Variants in MYO3B observed in about 807,000 individuals in gnomAD.
The protein encoded by MYO3B is myosin IIIB, also known as myosin-IIIb.
MYO3B carries 156 observed loss-of-function variants against 174.6 expected under a neutral mutation model. That is an observed-to-expected ratio of 0.89 (90% CI 0.78 to 1.02). The LOEUF (loss-of-function observed/expected upper bound fraction) is 1.02. Ranked by LOEUF, MYO3B falls within the 50% of genes least tolerant of loss-of-function variation. The pLI is 0.00. For synonymous variants in MYO3B, 563 were observed against 569.1 expected, an observed-to-expected ratio of 0.99 and a Z score of 0.15; for missense variants, 1,632 against 1,639.4, an observed-to-expected ratio of 1.00 and a Z score of 0.08.
chr2:170,590,247 G>T (rs915871989), intron 32 of MYO3B, among the ~76,000 whole-genome samples: 28 of 152,210 alleles, frequency 1.8e-4, no homozygotes, highest in Admixed American at 1.3e-4. Context: ...AAAGGGATAG[G>T]AGAGTAAATG....
intron 22 of MYO3B, among the ~76,000 whole-genome samples, chr2:170,424,286 T>C (rs2094643220): frequency 6.6e-6 from 1 of 152,202 alleles, no homozygotes; most frequent in African/African-American, 2.4e-5. Flanking sequence ...TCCTCTTGCC[T>C]TCCTGGCTCT....
chr2:170,456,166 G>A (rs910664130), intron 23 of MYO3B, among the ~76,000 whole-genome samples: 1 of 152,156 alleles, frequency 6.6e-6, no homozygotes, highest in African/African-American at 2.4e-5. Flanking sequence ...ATTTTGGTGG[G>A]GGGGTGGGGC....
At chr2:170,245,507 A>G (rs2093180246) in intron 7 of MYO3B, among the ~76,000 whole-genome samples, 1 of 152,164 alleles carries the variant, frequency 6.6e-6, no homozygotes, top group Admixed American at 6.5e-5. Context: ...AGGGAGTCTT[A>G]CCCTGGCAGA....
chr2:170,327,144 T>C (rs1258189974), intron 7 of MYO3B, among the ~76,000 whole-genome samples: 2 of 152,226 alleles, frequency 1.3e-5, no homozygotes, highest in African/African-American at 4.8e-5. Context: ...CCCAGCACTT[T>C]GGGAGGCCAA....
chr2:170,369,638 G>GT (rs2094225260), intron 9 of MYO3B, among the ~76,000 whole-genome samples: 1 of 150,870 alleles, frequency 6.6e-6, no homozygotes, highest in Non-Finnish European at 1.5e-5. Flanking sequence ...GTTAGCTTTA[G>GT]TTAAAAAATC....
Position 170,386,290 on chromosome 2 carries a change from T to G in MYO3B, c.1374+18T>G. ...TGGGAAAGGTATTGACTAATCTGCT[T>G]TACGTATTGTGGCGAGAAGTTCCTA... On this transcript the variant is annotated intron_variant, in intron 13 of 34. Coordinates refer to ENST00000408978, the MANE Select transcript of MYO3B (RefSeq NM_138995.5). 1 of 1,604,906 alleles carries G rather than the reference T, an allele frequency of 6.2e-7. No individual in the cohort carries two copies. The highest frequency in any genetic ancestry group is 1.3e-5 in the African/African-American group (1 of 74,832).
At chr2:170,319,139 A>G (rs1342160380) in intron 7 of MYO3B, among the ~76,000 whole-genome samples, 1 of 152,216 alleles carries the variant, frequency 6.6e-6, no homozygotes, top group Non-Finnish European at 1.5e-5. Context: ...TTTACTCTAA[A>G]CACTTTATGT....
intron 32 of MYO3B, among the ~76,000 whole-genome samples, chr2:170,605,527 C>T (rs568779248): frequency 3.9e-5 from 6 of 152,148 alleles, no homozygotes; most frequent in Non-Finnish European, 7.4e-5. Flanking sequence ...GTCTTGAAAA[C>T]CTTAGTCCTC....
At chr2:170,549,800 G>A (rs1468119279) in intron 32 of MYO3B, among the ~76,000 whole-genome samples, 1 of 152,086 alleles carries the variant, frequency 6.6e-6, no homozygotes. Flanking sequence ...TCACTATATC[G>A]GGCAAGACTA....
At chr2:170,272,029 T>C (rs1041771630) in intron 7 of MYO3B, among the ~76,000 whole-genome samples, 2 of 152,094 alleles carry the variant, frequency 1.3e-5, no homozygotes, top group African/African-American at 4.8e-5. Flanking sequence ...CATTTCATCT[T>C]ACTGCTTCTA....
At chr2:170,483,447 C>T (rs376209841) in intron 25 of MYO3B, among the ~76,000 whole-genome samples, 5 of 102,230 alleles carry the variant, frequency 4.9e-5, no homozygotes, top group South Asian at 2.9e-4. Flanking sequence ...AGTGCAGTGG[C>T]GCGATCTCGG....
chr2:170,580,718 A>ATATATATGTGTATG (rs768974458), intron 32 of MYO3B, among the ~76,000 whole-genome samples: 1 of 142,702 alleles, frequency 7.0e-6, no homozygotes, highest in Non-Finnish European at 1.5e-5. Context: ...AACCTTATAT[A>ATATATATGTGTATG]TGTGTGTGTG....
At chr2:170,629,933 T>G (rs369813659) in intron 32 of MYO3B, among the ~76,000 whole-genome samples, 1 of 149,834 alleles carries the variant, frequency 6.7e-6, no homozygotes, top group Non-Finnish European at 1.5e-5. Context: ...ATGATCTGAT[T>G]TCCATTCCAA....
At chr2:170,617,706 A>C (rs1357173802) in intron 32 of MYO3B, among the ~76,000 whole-genome samples, 1 of 152,214 alleles carries the variant, frequency 6.6e-6, no homozygotes, top group East Asian at 1.9e-4. Context: ...AATCTACGAT[A>C]TAATAGGGGA....
At chr2:170,548,908 G>A (rs1690707059) in intron 32 of MYO3B, among the ~76,000 whole-genome samples, 1 of 152,190 alleles carries the variant, frequency 6.6e-6, no homozygotes, top group African/African-American at 2.4e-5. Context: ...GTTTCTTGCT[G>A]TTGTTAATGA....
At chr2:170,594,297 G>A (rs182271597) in intron 32 of MYO3B, among the ~76,000 whole-genome samples, 8 of 152,110 alleles carry the variant, frequency 5.3e-5, no homozygotes, top group African/African-American at 1.2e-4. Flanking sequence ...AAGGCTGTAC[G>A]AAGTTAAAAA....
intron 25 of MYO3B, among the ~76,000 whole-genome samples, chr2:170,473,348 A>G (rs947313648): frequency 2.6e-5 from 4 of 151,684 alleles, no homozygotes; most frequent in African/African-American, 7.3e-5. Flanking sequence ...GGGTTTCACC[A>G]TGTTAGCCAG....
intron 20 of MYO3B, 130 bp from the exon 21 acceptor site, chr2:170,405,415 C>T: frequency 2.8e-6 from 2 of 710,954 alleles, no homozygotes; most frequent in African/African-American, 1.8e-5. Flanking sequence ...GATCTTTCTC[C>T]ACCCTTGTTA....
intron 9 of MYO3B, 32 bp downstream of exon 9, chr2:170,369,409 G>A (rs778941126): frequency 1.3e-6 from 2 of 1,585,164 alleles, no homozygotes; most frequent in African/African-American, 2.7e-5. Flanking sequence ...TTCTCCCTGT[G>A]GTTGTTTATA....
Sources: allele counts gnomAD v4.1 joint callset (sites outside exome capture counted in the v4.1 genomes callset), GRCh38; gene constraint gnomAD v4.1.1; transcripts MANE v1.5; gene names NCBI Gene and HGNC (gene_info 2026-07-23, HGNC 2026-07-21).